The following APCDD1L variants were observed in gnomAD, a reference collection of about 807,000 sequenced individuals.
APCDD1L encodes the protein APC down-regulated 1 like, also known as protein APCDD1-like.
APCDD1L carries 21 observed loss-of-function variants against 24.2 expected under a neutral mutation model. The observed-to-expected ratio is 0.87, with a 90% CI of 0.61 to 1.25. The LOEUF is 1.25. APCDD1L is among the 50% of genes most tolerant of loss of function. APCDD1L has a pLI of 0.00. For missense variants in APCDD1L, 704 were observed against 711.7 expected (o/e 0.99, Z 0.12); for synonymous variants, 321 against 323.6 (o/e 0.99, Z 0.09).
At chr20:58,481,378 C>T (rs936871632) in intron 1 of APCDD1L, among the ~76,000 whole-genome samples, 3 of 152,190 alleles carry the variant, frequency 2.0e-5, no homozygotes, top group Admixed American at 6.5e-5. Flanking sequence ...GGCGAAGACC[C>T]CTCAGAACCC....
chr20:58,494,178 C>G lies in APCDD1L; in HGVS notation c.49+20481G>C, dbSNP rs888160167. Among the ~76,000 whole-genome samples, 1 of 152,114 alleles carries G rather than the reference C, an allele frequency of 6.6e-6. No individual in the cohort carries two copies. Among genetic ancestry groups the G allele is most frequent in the African/African-American group, 2.4e-5 (1 of 41,412 alleles). On this transcript the variant is annotated intron_variant, in intron 1 of 3. Transcript: ENST00000371149. The surrounding 1 kb of genome is among the most constrained non-coding windows in gnomAD (Gnocchi z 4.8). Reference sequence around the variant, plus strand: ...AGAGGAGGGGCTGGTCTTGCTGTCTCAGGGGCAGCAGAGGCAGAAGAAAAT... The same window carrying G: ...AGAGGAGGGGCTGGTCTTGCTGTCTGAGGGGCAGCAGAGGCAGAAGAAAAT...
At chr20:58,511,737 A>G (rs1184011088) in intron 1 of APCDD1L, among the ~76,000 whole-genome samples, 1 of 152,132 alleles carries the variant, frequency 6.6e-6, no homozygotes, top group African/African-American at 2.4e-5. Flanking sequence ...GAGTGTATTT[A>G]AGTAATTTTC....
intron 1 of APCDD1L, among the ~76,000 whole-genome samples, chr20:58,506,329 C>G (rs2123192168): frequency 6.6e-6 from 1 of 152,294 alleles, no homozygotes; most frequent in Middle Eastern, 3.4e-3. Flanking sequence ...TCCTGATATC[C>G]CAGAAGGAGA....
intron 1 of APCDD1L, 108 bp from the exon 2 acceptor site, chr20:58,470,855 C>G: frequency 7.1e-7 from 1 of 1,418,402 alleles, no homozygotes. Flanking sequence ...AGGGCTGTCC[C>G]GCAACCTCCA....
At chr20:58,496,782 T>C (rs1050276651) in intron 1 of APCDD1L, among the ~76,000 whole-genome samples, 1 of 150,592 alleles carries the variant, frequency 6.6e-6, no homozygotes, top group Non-Finnish European at 1.5e-5. Flanking sequence ...CAAGGAAGAG[T>C]GGAACTGTGC....
At chr20:58,512,739 C>T (rs1329912528) in intron 1 of APCDD1L, among the ~76,000 whole-genome samples, 1 of 152,174 alleles carries the variant, frequency 6.6e-6, no homozygotes, top group African/African-American at 2.4e-5. Context: ...AAAAGGATCT[C>T]ATCACCTGGT....
At chr20:58,477,160 G>A (rs943705443) in intron 1 of APCDD1L, among the ~76,000 whole-genome samples, 6 of 152,196 alleles carry the variant, frequency 3.9e-5, no homozygotes, top group African/African-American at 1.4e-4. Context: ...CAGACATTGT[G>A]CAATGATCAG....
At chr20:58,463,143 CAA>C (rs398036014) in intron 3 of APCDD1L, among the ~76,000 whole-genome samples, 7,358 of 93,302 alleles carry the variant, frequency 0.079, 68 homozygotes, top group Non-Finnish European at 0.1. Flanking sequence ...CTCCATCTCA[CAA>C]AAAAAAAAAA....
chr20:58,474,241 C>T (rs535045071), intron 1 of APCDD1L, among the ~76,000 whole-genome samples: 3 of 152,312 alleles, frequency 2.0e-5, no homozygotes, highest in East Asian at 1.9e-4. Flanking sequence ...CAGGTATAAT[C>T]GACACAACCA....
intron 2 of APCDD1L, among the ~76,000 whole-genome samples, chr20:58,470,131 C>T (rs1280873883): frequency 6.6e-6 from 1 of 152,210 alleles, no homozygotes; most frequent in Admixed American, 6.5e-5. Flanking sequence ...CCTGGCTCTT[C>T]CCTGGCTCTC....
At chr20:58,472,280 TA>T (rs781326176) in intron 1 of APCDD1L, among the ~76,000 whole-genome samples, 7 of 152,324 alleles carry the variant, frequency 4.6e-5, no homozygotes, top group Non-Finnish European at 5.9e-5. Flanking sequence ...CTTGCTCTTT[TA>T]TACATTATTC....
rs1215130956 is a variant in APCDD1L at position 58,494,771 on chromosome 20, G to C, written c.49+19888C>G. 6.6e-6 allele frequency among the ~76,000 whole-genome samples: 1 copy of C among 152,174 alleles called. No individual in the cohort carries two copies. Among genetic ancestry groups the C allele is most frequent in the Non-Finnish European group, 1.5e-5 (1 of 68,034 alleles). On this transcript the variant is annotated intron_variant, in intron 1 of 3. Transcript: ENST00000371149. This position sits in a 1 kb window ranked among gnomAD's most constrained non-coding sequence, Gnocchi z 4.8. ...GCTACGAGCCCCGTACTTTGCCTGT[G>C]ATTCCTGTCTCACGATCATCTCCTG...
chr20:58,461,579 G>C lies in APCDD1L; in HGVS notation c.742-25C>G. ...GCTGGCAAAAGACAAACAGAAAAAC[G>C]GTGGTTGTCCCACATAGAGAAGTTG... On this transcript the variant is annotated intron_variant, in intron 3 of 3. Coordinates refer to ENST00000371149, the MANE Select transcript of APCDD1L (RefSeq NM_153360.3). The surrounding 1 kb of genome is among the most constrained non-coding windows in gnomAD (Gnocchi z 6.0). 7.1e-7 allele frequency: 1 copy of C among 1,412,076 alleles called. No individual in the cohort carries two copies. Among genetic ancestry groups the C allele is most frequent in the Non-Finnish European group, 9.3e-7 (1 of 1,076,956 alleles). The allele number at this position is 1,412,076 out of a possible 1,614,324, so 87.5% of individuals were successfully genotyped here.
chr20:58,464,247 A>G (rs917645710), intron 3 of APCDD1L, among the ~76,000 whole-genome samples: 17 of 152,202 alleles, frequency 1.1e-4, no homozygotes, highest in Non-Finnish European at 2.2e-4. Flanking sequence ...ACCCACCACA[A>G]AAGACAACCA....
Position 58,461,325 on chromosome 20 carries a change from C to T in APCDD1L, c.971G>A (p.Arg324Gln), listed in dbSNP as rs145530588. 8.8e-5 allele frequency: 141 copies of T among 1,602,690 alleles called. 1 individual carries two copies. The African/African-American group carries it at 1.1e-3, about 12-fold the overall frequency. Residue 324 changes from arginine (R) to glutamine (Q), a missense_variant, in exon 4 of 4, where the codon CGG becomes CAG. Transcript: ENST00000371149. This position sits in a 1 kb window ranked among gnomAD's most constrained non-coding sequence, Gnocchi z 6.0. Reference protein sequence around the residue: ...YYHHFSDPACRQPTFTVYAAG... With the variant: ...YYHHFSDPACQQPTFTVYAAG... The stretch of plus-strand genomic sequence containing the variant: ...GGCATACACGGTGAAGGTGGGCTGC[C>T]GGCAGGCTGGGTCTGAGAAGTGGTG...
At chr20:58,475,346 G>A (rs1288583821) in intron 1 of APCDD1L, among the ~76,000 whole-genome samples, 2 of 152,170 alleles carry the variant, frequency 1.3e-5, no homozygotes, top group Non-Finnish European at 2.9e-5. Context: ...CGAGCACTTC[G>A]TATTCCAACA....
At chr20:58,503,286 CCA>C (rs1990476625) in intron 1 of APCDD1L, among the ~76,000 whole-genome samples, 2 of 152,124 alleles carry the variant, frequency 1.3e-5, no homozygotes, top group South Asian at 4.1e-4. Flanking sequence ...TCATAAAAGC[CCA>C]GGTACTTTCA....
intron 1 of APCDD1L, among the ~76,000 whole-genome samples, chr20:58,479,593 C>CTTTTTT (rs10580833): frequency 4.8e-5 from 6 of 125,406 alleles, no homozygotes; most frequent in African/African-American, 5.8e-5. Flanking sequence ...TTAAGATTTG[C>CTTTTTT]TTTTTTTTTT....
intron 1 of APCDD1L, among the ~76,000 whole-genome samples, chr20:58,480,985 C>G (rs940752371): frequency 6.6e-6 from 1 of 152,190 alleles, no homozygotes; most frequent in African/African-American, 2.4e-5. Flanking sequence ...GACTTTAGCA[C>G]CTGCGTTCCC....
Sources: gnomAD v4.1 joint callset for allele counts (sites outside exome capture counted in the v4.1 genomes callset) on GRCh38, gnomAD v4.1.1 for gene constraint, Gnocchi (gnomAD v3.1) non-coding constraint, MANE v1.5 for transcripts, NCBI Gene and HGNC (gene_info 2026-07-23, HGNC 2026-07-21) for gene names.